Variants in NALF1 observed in about 807,000 individuals in gnomAD.
NALF1 encodes NALCN channel auxiliary factor 1.
A neutral mutation model predicts 48.4 loss-of-function variants in NALF1; 3 were observed. That is an observed-to-expected ratio of 0.06 (90% CI 0.03 to 0.16). NALF1 has a LOEUF of 0.16. Among genes scored for constraint, NALF1 ranks in the 10% least tolerant of loss-of-function variants. The pLI is 1.00. For synonymous variants in NALF1, 262 were observed against 245.7 expected (o/e 1.07, Z -0.62); for missense variants, 526 against 571.5 (o/e 0.92, Z 0.81).
intron 1 of NALF1, among the ~76,000 whole-genome samples, chr13:107,684,616 C>T (rs1250593064): frequency 1.3e-5 from 2 of 152,100 alleles, no homozygotes; most frequent in Admixed American, 6.5e-5. Flanking sequence ...ACACACTTTT[C>T]TAAAATAGAA....
At chr13:107,726,767 C>A (rs1272007045) in intron 1 of NALF1, among the ~76,000 whole-genome samples, 1 of 150,716 alleles carries the variant, frequency 6.6e-6, no homozygotes, top group African/African-American at 2.5e-5. Context: ...CAGGCCACCA[C>A]ATGCGGCTAA....
intron 1 of NALF1, among the ~76,000 whole-genome samples, chr13:107,455,950 C>T (rs1884817868): frequency 6.6e-6 from 1 of 151,642 alleles, no homozygotes; most frequent in Non-Finnish European, 1.5e-5. Flanking sequence ...TGTTTAATGG[C>T]TTGGGCAATT....
At chr13:107,302,489 T>C (rs1389397441) in intron 1 of NALF1, among the ~76,000 whole-genome samples, 1 of 152,070 alleles carries the variant, frequency 6.6e-6, no homozygotes, top group Non-Finnish European at 1.5e-5. Flanking sequence ...AATTATAAGC[T>C]GTGATGCAGT....
intron 1 of NALF1, among the ~76,000 whole-genome samples, chr13:107,638,287 T>C (rs1156845890): frequency 6.6e-6 from 1 of 150,464 alleles, no homozygotes; most frequent in Non-Finnish European, 1.5e-5. Context: ...GTGGTATCAT[T>C]TATTTCCAGG....
intron 1 of NALF1, among the ~76,000 whole-genome samples, chr13:107,417,458 C>T (rs1283922213): frequency 6.6e-6 from 1 of 152,150 alleles, no homozygotes; most frequent in Non-Finnish European, 1.5e-5. Context: ...TCAAGTGCAG[C>T]TTAACATTTC....
At chr13:107,563,944 T>C (rs1877715851) in intron 1 of NALF1, among the ~76,000 whole-genome samples, 1 of 152,210 alleles carries the variant, frequency 6.6e-6, no homozygotes, top group African/African-American at 2.4e-5. Context: ...TGTTTACAAA[T>C]AATTTATAGC....
In NALF1 at chr13:107,170,268, C is replaced by A. The variant is rs1878771093; in HGVS notation, c.*229G>T. 1 of 453,778 alleles carries A rather than the reference C, an allele frequency of 2.2e-6. No homozygotes were observed. The allele number at this position is 453,778 out of a possible 1,614,324, so 28.1% of individuals were successfully genotyped here. A position where few individuals can be genotyped will look rare whatever the true frequency, so the allele number is the denominator to read the frequency against. On this transcript the variant is annotated 3_prime_UTR_variant, in exon 3 of 3. Coordinates refer to ENST00000375915, the MANE Select transcript of NALF1 (RefSeq NM_001080396.3). ...AATAAAACCTCCAAACATTAAAACA[C>A]AGTGTATAAAATGGTGTGAGAAATT...
At chr13:107,685,256 G>A (rs1050663850) in intron 1 of NALF1, among the ~76,000 whole-genome samples, 2 of 152,172 alleles carry the variant, frequency 1.3e-5, no homozygotes, top group African/African-American at 4.8e-5. Flanking sequence ...CGAGGGTGCA[G>A]TGAGCCAAGA....
chr13:107,730,045 T>G (rs1365140842), intron 1 of NALF1, among the ~76,000 whole-genome samples: 2 of 152,198 alleles, frequency 1.3e-5, no homozygotes, highest in Non-Finnish European at 2.9e-5. Flanking sequence ...ACATAATCTA[T>G]CTCTACAACA....
intron 1 of NALF1, among the ~76,000 whole-genome samples, chr13:107,378,436 T>A (rs1453111059): frequency 6.6e-6 from 1 of 152,222 alleles, no homozygotes; most frequent in African/African-American, 2.4e-5. Context: ...ATATAAATGA[T>A]ATTGGTAATA....
At chr13:107,679,750 A>T (rs376703011) in intron 1 of NALF1, among the ~76,000 whole-genome samples, 44 of 152,122 alleles carry the variant, frequency 2.9e-4, no homozygotes, top group African/African-American at 9.6e-4. Context: ...ACACCAAGCA[A>T]CCTCTAGGGG....
In NALF1 at chr13:107,629,458, T is replaced by C. The variant is rs186576972; in HGVS notation, c.915+236224A>G. ...CAATTTTCTAATTCCAACTAAACTA[T>C]GCTTTTGATGCATTAGGCTTCAAGT... On this transcript the variant is annotated intron_variant, in intron 1 of 2. Transcript: ENST00000375915. 3.3e-5 allele frequency among the ~76,000 whole-genome samples: 5 copies of C among 152,312 alleles called. No individual in the cohort carries two copies. The East Asian group carries it at 9.6e-4, about 29-fold the overall frequency.
At chr13:107,287,701 T>C (rs373559748) in intron 1 of NALF1, among the ~76,000 whole-genome samples, 7,082 of 110,756 alleles carry the variant, frequency 0.064, 256 homozygotes, top group Admixed American at 0.14. Flanking sequence ...TCTTTTCTTT[T>C]CTTTCTTTTT....
intron 1 of NALF1, among the ~76,000 whole-genome samples, chr13:107,717,462 C>T (rs1179222587): frequency 2.6e-5 from 4 of 151,994 alleles, no homozygotes; most frequent in South Asian, 2.1e-4. Context: ...TGAAGGCCAG[C>T]GAGCTGGAAA....
chr13:107,340,089 G>A (rs971163740), intron 1 of NALF1, among the ~76,000 whole-genome samples: 1 of 151,892 alleles, frequency 6.6e-6, no homozygotes, highest in African/African-American at 2.4e-5. Flanking sequence ...AAAGATGTAG[G>A]ATTTATCTGT....
At chr13:107,754,002 GTC>G (rs1877013613) in intron 1 of NALF1, among the ~76,000 whole-genome samples, 1 of 152,090 alleles carries the variant, frequency 6.6e-6, no homozygotes, top group African/African-American at 2.4e-5. Context: ...CAAAACAGAG[GTC>G]ACATAGAAGA....
intron 1 of NALF1, among the ~76,000 whole-genome samples, chr13:107,364,166 CT>C (rs1264633255): frequency 6.6e-6 from 1 of 152,152 alleles, no homozygotes; most frequent in African/African-American, 2.4e-5. Context: ...AATTATAGAG[CT>C]TACAATGCTC....
At chr13:107,856,625 GTACTAC>G (rs1050621658) in intron 1 of NALF1, among the ~76,000 whole-genome samples, 2 of 152,030 alleles carry the variant, frequency 1.3e-5, no homozygotes, top group African/African-American at 4.8e-5. Flanking sequence ...TAAAATCAAA[GTACTAC>G]TACTGTGAGC....
At chr13:107,802,276 C>G (rs1039945256) in intron 1 of NALF1, among the ~76,000 whole-genome samples, 9 of 152,016 alleles carry the variant, frequency 5.9e-5, no homozygotes, top group African/African-American at 2.2e-4. Flanking sequence ...GTAGATACCT[C>G]TAGAAAAATA....
Sources: allele counts gnomAD v4.1 joint callset (sites outside exome capture counted in the v4.1 genomes callset), GRCh38; gene constraint gnomAD v4.1.1; transcripts MANE v1.5; gene names NCBI Gene and HGNC (gene_info 2026-07-23, HGNC 2026-07-21).